The following INSR variants were observed in gnomAD, a reference collection of about 807,000 sequenced individuals.
INSR encodes the protein insulin receptor.
Under a neutral mutation model 142.6 loss-of-function variants are expected in INSR, and 67 were observed. The ratio of observed to expected loss-of-function variants is 0.47; its 90% CI spans 0.39 to 0.58. The LOEUF (loss-of-function observed/expected upper bound fraction) is 0.58, where lower values mean the gene tolerates loss of function less well. INSR is among the 20% of genes least tolerant of loss of function. INSR has a pLI of 0.00. For missense variants in INSR, 1,248 were observed against 1,833.2 expected (o/e 0.68, Z 5.83); for synonymous variants, 756 against 743.1 (o/e 1.02, Z -0.28).
rs1170794966 is a variant in INSR at position 7,114,973 on chromosome 19, CTGTACTCTTGCTTCT to C, written c.*2068_*2082del. 2.0e-5 allele frequency: 3 copies of C among 151,854 alleles called. No individual in the cohort carries two copies. The highest frequency in any genetic ancestry group is 4.4e-5 in the Non-Finnish European group (3 of 67,982). The allele number at this position is 151,854 out of a possible 1,614,324, so 9.4% of individuals were successfully genotyped here. Reference sequence around the variant, plus strand: ...AAAATAAATTTGGCAAAAATAATTTCTGTACTCTTGCTTCTTGTACCCAATCACTGAGGCTCCTCA... The same window carrying C: ...AAAATAAATTTGGCAAAAATAATTTCTGTACCCAATCACTGAGGCTCCTCA... On this transcript the variant is annotated 3_prime_UTR_variant, in exon 22 of 22. Transcript: ENST00000302850.
intron 14 of INSR, 113 bp downstream of exon 14, chr19:7,132,045 G>A: frequency 2.3e-6 from 3 of 1,303,140 alleles, no homozygotes; most frequent in Non-Finnish European, 3.3e-6. Flanking sequence ...ATAGGCCTGA[G>A]AGTCAAGGCC....
At chr19:7,205,377 A>C (rs1411609071) in intron 2 of INSR, among the ~76,000 whole-genome samples, 2 of 152,188 alleles carry the variant, frequency 1.3e-5, no homozygotes, top group Non-Finnish European at 2.9e-5. Context: ...ATAAAAGCCA[A>C]AGTGTTACTT....
intron 9 of INSR, among the ~76,000 whole-genome samples, chr19:7,158,358 G>C (rs1485242849): frequency 1.3e-5 from 2 of 151,932 alleles, no homozygotes; most frequent in Non-Finnish European, 2.9e-5. Flanking sequence ...AAAATTAGCC[G>C]GGCGTGGTGG....
At chr19:7,185,376 G>A (rs1243679072) in intron 2 of INSR, among the ~76,000 whole-genome samples, 2 of 152,108 alleles carry the variant, frequency 1.3e-5, no homozygotes, top group Non-Finnish European at 2.9e-5. Context: ...TTTTACAAAT[G>A]GGGAAACTGA....
chr19:7,127,010 C>T (rs1972663004), intron 15 of INSR, among the ~76,000 whole-genome samples: 1 of 152,120 alleles, frequency 6.6e-6, no homozygotes, highest in African/African-American at 2.4e-5. Context: ...GAGATCCTCC[C>T]ACTTCAGCTT....
At position 7,154,492 on chromosome 19, in the gene INSR, T is replaced by C. The variant is rs371460797; in HGVS notation, c.2030-1565A>G. Among the ~76,000 whole-genome samples, 124 of 150,186 alleles carry C rather than the reference T, an allele frequency of 8.3e-4. 1 individual carries two copies. Among genetic ancestry groups the C allele is most frequent in the East Asian group, 1.7e-3 (8 of 4,830 alleles). On this transcript the variant is annotated intron_variant, in intron 9 of 21. Transcript: ENST00000302850. ...TAATTTGTTGTATTTTTAGTAGAGA[T>C]GGGGTTTCATTGTGTTAGCCAGGAT...
At chr19:7,132,108 C>A in intron 14 of INSR, 50 bp downstream of exon 14, 1 of 1,611,156 alleles carries the variant, frequency 6.2e-7, no homozygotes, top group East Asian at 2.2e-5. Context: ...TCCCACCATG[C>A]TCAGTGCTAA....
chr19:7,188,548 CAAA>C (rs150147242), intron 2 of INSR, among the ~76,000 whole-genome samples: 6 of 121,530 alleles, frequency 4.9e-5, no homozygotes, highest in Non-Finnish European at 3.5e-5. Context: ...AGACTCCGTC[CAAA>C]AAAAAAAAAA....
intron 13 of INSR, among the ~76,000 whole-genome samples, chr19:7,136,405 G>A (rs1388204585): frequency 6.6e-6 from 1 of 152,044 alleles, no homozygotes; most frequent in East Asian, 1.9e-4. Flanking sequence ...AACTTTCTGA[G>A]TGTGGACATT....
At chr19:7,238,647 G>A (rs1162180488) in intron 2 of INSR, among the ~76,000 whole-genome samples, 1 of 148,468 alleles carries the variant, frequency 6.7e-6, no homozygotes, top group Admixed American at 6.7e-5. Flanking sequence ...AAAGGAAAGG[G>A]AAAGTGAACC....
chr19:7,117,544 G>T lies in INSR; in HGVS notation c.3795-134C>A. ...ACATCAGATGCTGGCTGTGTGTGTG[G>T]ACAATTGTCAAGGCAGAAATAGCAT... On this transcript the variant is annotated intron_variant, in intron 21 of 21. Coordinates refer to ENST00000302850, the MANE Select transcript of INSR (RefSeq NM_000208.4). 4 of 647,082 alleles carry T rather than the reference G, an allele frequency of 6.2e-6. No homozygotes were observed. The South Asian group carries it at 7.6e-5, about 12-fold the overall frequency. The allele number at this position is 647,082 out of a possible 1,614,324, so 40.1% of individuals were successfully genotyped here.
Position 7,172,519 on chromosome 19 carries a change from C to G in INSR, c.1124-85G>C. On this transcript the variant is annotated intron_variant, in intron 4 of 21. Transcript: ENST00000302850. ...TTCTCCATGGTGAGAAGATAACCCT[C>G]AGGCTGCAAATGACTGGACATACCC... 3 of 1,454,018 alleles carry G rather than the reference C, an allele frequency of 2.1e-6. No homozygotes were observed. In the Admixed American group the frequency reaches 5.0e-5, roughly 24 times the overall value. The allele number at this position is 1,454,018 out of a possible 1,614,324, so 90.1% of individuals were successfully genotyped here.
chr19:7,274,913 G>A lies in INSR; in HGVS notation c.101-7017C>T, dbSNP rs78168946. Among the ~76,000 whole-genome samples the A allele has an allele frequency of 0.016, 2,391 of 152,098 alleles. 103 individuals are homozygous for A. The East Asian group carries it at 0.17, about 11-fold the overall frequency. ...AAGCCCCAAAATTGAGCCTTACCCC[G>A]GGAGGGTTTTTGGCTTCACCCAGGA... On this transcript the variant is annotated intron_variant, in intron 1 of 21. Transcript: ENST00000302850.
intron 16 of INSR, 95 bp downstream of exon 16, chr19:7,126,489 C>T (rs1972648436): frequency 1.7e-6 from 2 of 1,171,386 alleles, no homozygotes; most frequent in Admixed American, 2.0e-5. Flanking sequence ...CTTGGCCTCC[C>T]TGGGGAACCC....
At chr19:7,217,760 C>A (rs192087954) in intron 2 of INSR, among the ~76,000 whole-genome samples, 2 of 152,292 alleles carry the variant, frequency 1.3e-5, no homozygotes, top group Non-Finnish European at 2.9e-5. Flanking sequence ...GGGGTTTCAC[C>A]GTGTTAGCCA....
At chr19:7,209,729 A>C (rs1007861058) in intron 2 of INSR, among the ~76,000 whole-genome samples, 4 of 152,092 alleles carry the variant, frequency 2.6e-5, no homozygotes, top group African/African-American at 9.7e-5. Flanking sequence ...CATGTATTTT[A>C]TTCCATAATA....
At chr19:7,245,634 C>T (rs1227400647) in intron 2 of INSR, among the ~76,000 whole-genome samples, 2 of 151,786 alleles carry the variant, frequency 1.3e-5, no homozygotes, top group South Asian at 2.1e-4. Context: ...TTTATAGTAG[C>T]GGGGTTTCAC....
intron 1 of INSR, among the ~76,000 whole-genome samples, chr19:7,282,536 G>C (rs939089815): frequency 6.6e-6 from 1 of 151,468 alleles, no homozygotes; most frequent in African/African-American, 2.4e-5. Flanking sequence ...GCAAAAATTA[G>C]CTGGGCGTGG....
Position 7,167,984 on chromosome 19 carries a change from G to C in INSR, c.1594C>G (p.Leu532Val). Residue 532 changes from leucine to valine, a missense_variant, in exon 7 of 22, where the codon CTG becomes GTG. Physicochemically the swap from Leu to Val is conservative, Grantham distance 32. Transcript: ENST00000302850. ...TCTACTTACGCCTCTTTGTAGAACA[G>C]CATGAACCCCAAGAGGTCTCGGAAG... Reference protein sequence around the residue: ...PDFRDLLGFMLFYKEAPYQNV... With the variant: ...PDFRDLLGFMVFYKEAPYQNV... 1 of 1,614,076 alleles carries C rather than the reference G, an allele frequency of 6.2e-7. No homozygotes were observed. Among genetic ancestry groups the C allele is most frequent in the South Asian group, 1.1e-5 (1 of 91,070 alleles).
Sources: allele counts gnomAD v4.1 joint callset (sites outside exome capture counted in the v4.1 genomes callset), GRCh38; gene constraint gnomAD v4.1.1; transcripts MANE v1.5; gene names NCBI Gene and HGNC (gene_info 2026-07-23, HGNC 2026-07-21).